ASAH2B: variants seen among roughly 807,000 people sequenced by gnomAD.
The protein encoded by ASAH2B is putative inactive neutral ceramidase B.
In ASAH2B, 1 loss-of-function variant was observed where a neutral mutation model predicts 2.9. The ratio of observed to expected loss-of-function variants is 0.34; its 90% confidence interval spans 0.12 to 1.63. ASAH2B has a LOEUF of 1.63. Ranked by LOEUF, ASAH2B falls within the 40% of genes most tolerant of loss-of-function variation. ASAH2B has a pLI of 0.36. For missense variants in ASAH2B, 9 were observed against 37.7 expected (o/e 0.24, Z 1.99); for synonymous variants, 4 against 13.3 (o/e 0.30, Z 1.52).
intron 3 of ASAH2B, among the ~76,000 whole-genome samples, chr10:50,747,215 T>C (rs1839920688): frequency 6.6e-6 from 1 of 151,162 alleles, no homozygotes; most frequent in Admixed American, 6.6e-5. Flanking sequence ...ATATCCAGTT[T>C]TCCCAGCAGC....
Position 50,756,978 on chromosome 10 carries a change from G to GT in ASAH2B, c.*2238_*2239insT, listed in dbSNP as rs1466884142. ...GGAATATGGCAGATTGGGTAGGTAG[G>GT]AGAACAATTTTGGAGATTTTGTTTC... On this transcript the variant is annotated 3_prime_UTR_variant, in exon 6 of 6. Transcript: ENST00000647317. 1 of 151,678 alleles carries GT rather than the reference G, an allele frequency of 6.6e-6. No homozygotes were observed. Among genetic ancestry groups the GT allele is most frequent in the Non-Finnish European group, 1.5e-5 (1 of 67,758 alleles). The allele number at this position is 151,678 out of a possible 1,614,324, so 9.4% of individuals were successfully genotyped here.
chr10:50,747,126 GTT>G (rs1839919479), intron 3 of ASAH2B, among the ~76,000 whole-genome samples: 1 of 146,262 alleles, frequency 6.8e-6, no homozygotes, highest in Non-Finnish European at 1.5e-5. Context: ...TCTTTCAGTT[GTT>G]TTATAGTTTC....
Position 50,742,498 on chromosome 10 carries a change from G to T in ASAH2B, c.-99-417G>T, listed in dbSNP as rs1253189174. On this transcript the variant is annotated intron_variant, in intron 1 of 5. Coordinates refer to ENST00000647317, the MANE Select transcript of ASAH2B (RefSeq NM_001321958.2). ...GGCTCAATTTCATGGCTTTGTGATG[G>T]ATTAAATGTCTTTCTCCAGTTAGCA... 5.3e-5 allele frequency among the ~76,000 whole-genome samples: 8 copies of T among 152,270 alleles called. No individual in the cohort carries two copies. The East Asian group carries it at 1.5e-3, about 29-fold the overall frequency.
intron 3 of ASAH2B, 94 bp downstream of exon 3, chr10:50,745,368 C>A (rs1383247750): frequency 9.1e-6 from 2 of 219,316 alleles, no homozygotes; most frequent in African/African-American, 3.6e-5. Context: ...TGCTGTAGAC[C>A]AACTGTTAGC....
At chr10:50,743,038 G>C (rs1839855211) in intron 2 of ASAH2B, 28 bp downstream of exon 2, 1 of 1,607,158 alleles carries the variant, frequency 6.2e-7, no homozygotes, top group Non-Finnish European at 8.5e-7. Flanking sequence ...GTGCGTGCGT[G>C]CGTGCGTGTG....
rs761352406 is a variant in ASAH2B, at chr10:50,742,929, G to A, written c.-85G>A. The A allele has an allele frequency of 6.2e-7, 1 of 1,614,020 alleles. No homozygotes were observed. The highest frequency in any genetic ancestry group is 8.5e-7 in the Non-Finnish European group (1 of 1,179,926). ...CTTTCCTGCAGGCTCAGCGATATGA[G>A]GCAGCATCGACAATTTATGGACCGC... On this transcript the variant is annotated 5_prime_UTR_variant, in exon 2 of 6. Coordinates refer to ENST00000647317, the MANE Select transcript of ASAH2B (RefSeq NM_001321958.2).
intron 1 of ASAH2B, among the ~76,000 whole-genome samples, chr10:50,740,376 A>G (rs1839810610): frequency 6.6e-6 from 1 of 152,108 alleles, no homozygotes; most frequent in Non-Finnish European, 1.5e-5. Context: ...GAAATCCCAC[A>G]GCTATTCAGT....
chr10:50,741,463 G>A (rs897794169), intron 1 of ASAH2B, among the ~76,000 whole-genome samples: 12 of 152,166 alleles, frequency 7.9e-5, no homozygotes, highest in Non-Finnish European at 1.8e-4. Flanking sequence ...GCATGCACAA[G>A]GTGTTATAAA....
At chr10:50,745,808 C>G (rs1453510664) in intron 3 of ASAH2B, among the ~76,000 whole-genome samples, 1 of 146,258 alleles carries the variant, frequency 6.8e-6, no homozygotes, top group East Asian at 2.0e-4. Context: ...CCTTATTGGA[C>G]TGGCTAGAAT....
rs775791959 is a variant in ASAH2B at position 50,756,752 on chromosome 10, CA to C, written c.*2013del. 2 of 151,840 alleles carry C rather than the reference CA, an allele frequency of 1.3e-5. No homozygotes were observed. The highest frequency in any genetic ancestry group is 3.9e-4 in the East Asian group (2 of 5,166). 9.4% of individuals were successfully genotyped at this position (151,840 alleles called of 1,614,324 possible). ...TCTAGGGCATGCAGTTCTATGTTCA[CA>C]GTTCATGTGTAAAAATAAAACCAAA... On this transcript the variant is annotated 3_prime_UTR_variant, in exon 6 of 6. Coordinates refer to ENST00000647317, the MANE Select transcript of ASAH2B (RefSeq NM_001321958.2).
intron 3 of ASAH2B, among the ~76,000 whole-genome samples, chr10:50,748,500 C>A (rs1234231636): frequency 6.7e-6 from 1 of 149,316 alleles, no homozygotes; most frequent in Non-Finnish European, 1.5e-5. Flanking sequence ...GGAACAGAAT[C>A]TTGTCACAAC....
chr10:50,745,603 A>G (rs1365192823), intron 3 of ASAH2B, among the ~76,000 whole-genome samples: 1 of 145,060 alleles, frequency 6.9e-6, no homozygotes. Context: ...TTACTATTTT[A>G]TATCAATCTT....
Position 50,743,799 on chromosome 10 carries a change from T to C in ASAH2B, c.-4+789T>C, listed in dbSNP as rs898498861. The stretch of plus-strand genomic sequence containing the variant: ...TAATAAGCAGCCCCTTATATAATAA[T>C]ATGTAAGCCTCAGTAAAAAATGTGA... On this transcript the variant is annotated intron_variant, in intron 2 of 5. Transcript: ENST00000647317. 1.1e-4 allele frequency: 17 copies of C among 150,890 alleles called. 2 individuals carry two copies. Among genetic ancestry groups the C allele is most frequent in the African/African-American group, 4.2e-4 (17 of 40,574 alleles). 9.3% of individuals were successfully genotyped at this position (150,890 alleles called of 1,614,324 possible).
intron 3 of ASAH2B, among the ~76,000 whole-genome samples, chr10:50,745,662 G>C (rs1257319299): frequency 1.3e-5 from 2 of 149,354 alleles, no homozygotes; most frequent in Admixed American, 1.3e-4. Context: ...CAGTTTTTCT[G>C]GGGGGAGGAG....
chr10:50,754,039 A>G (rs1198783931), intron 5 of ASAH2B, among the ~76,000 whole-genome samples: 4 of 139,862 alleles, frequency 2.9e-5, no homozygotes, highest in African/African-American at 1.1e-4. Context: ...AGTAGAACAT[A>G]AGCTTCATGA....
intron 2 of ASAH2B, among the ~76,000 whole-genome samples, chr10:50,744,444 G>C (rs981357938): frequency 6.6e-6 from 1 of 151,524 alleles, no homozygotes; most frequent in African/African-American, 2.4e-5. Context: ...ATCATATGCA[G>C]TTGTAAAGAT....
rs1837116436 is a variant in ASAH2B at position 50,757,370 on chromosome 10, T to G, written c.*2630T>G. 1 of 151,822 alleles carries G rather than the reference T, an allele frequency of 6.6e-6. No individual in the cohort carries two copies. The highest frequency in any genetic ancestry group is 1.5e-5 in the Non-Finnish European group (1 of 67,796). The allele number at this position is 151,822 out of a possible 1,614,324, so 9.4% of individuals were successfully genotyped here. Reference sequence around the variant, plus strand: ...TCCTTTCTAACTTCTGAAGATGTACTGCTGGTAAAGCACATGTATGGTTGG... The same window carrying G: ...TCCTTTCTAACTTCTGAAGATGTACGGCTGGTAAAGCACATGTATGGTTGG... On this transcript the variant is annotated 3_prime_UTR_variant, in exon 6 of 6. Transcript: ENST00000647317.
rs1449896634 is a variant in ASAH2B at position 50,757,493 on chromosome 10, C to A, written c.*2753C>A. 1 of 147,620 alleles carries A rather than the reference C, an allele frequency of 6.8e-6. No homozygotes were observed. The highest frequency in any genetic ancestry group is 6.9e-5 in the Admixed American group (1 of 14,530). 9.1% of individuals were successfully genotyped at this position (147,620 alleles called of 1,614,324 possible). A position where few individuals can be genotyped will look rare whatever the true frequency, so the allele number is the denominator to read the frequency against. On this transcript the variant is annotated 3_prime_UTR_variant, in exon 6 of 6. Coordinates refer to ENST00000647317, the MANE Select transcript of ASAH2B (RefSeq NM_001321958.2). ...AATTGTTTCCTGCGCTAATTCTGAA[C>A]AAAAAGACCAAGAATGAATTTACTT...
intron 2 of ASAH2B, among the ~76,000 whole-genome samples, chr10:50,744,358 GA>G (rs989819508): frequency 2.0e-5 from 3 of 151,400 alleles, no homozygotes; most frequent in African/African-American, 7.3e-5. Context: ...ATGTGATCTT[GA>G]AAAAAACCAC....
Sources: allele counts gnomAD v4.1 joint callset (sites outside exome capture counted in the v4.1 genomes callset), GRCh38; gene constraint gnomAD v4.1.1; transcripts MANE v1.5; gene names NCBI Gene and HGNC (gene_info 2026-07-23, HGNC 2026-07-21).